LHFPL3: variants seen among roughly 807,000 people sequenced by gnomAD.
LHFPL3 encodes LHFPL tetraspan subfamily member 3.
Under a neutral mutation model 19.3 loss-of-function variants are expected in LHFPL3, and 5 were observed. The ratio of observed to expected loss-of-function variants is 0.26; its 90% CI spans 0.14 to 0.54. LHFPL3 has a LOEUF of 0.54. Among genes scored for constraint, LHFPL3 ranks in the 20% least tolerant of loss-of-function variants. The pLI is 0.94. For missense variants in LHFPL3, 249 were observed against 307.4 expected (o/e 0.81, Z 1.42); for synonymous variants, 133 against 126.2 (o/e 1.05, Z -0.36).
At chr7:104,495,483 A>C (rs924099772) in intron 1 of LHFPL3, among the ~76,000 whole-genome samples, 1 of 152,196 alleles carries the variant, frequency 6.6e-6, no homozygotes, top group Non-Finnish European at 1.5e-5. Context: ...TTCCGGGTTC[A>C]CGCCATTCTC....
rs1439310492 is a variant in LHFPL3 at position 104,736,794 on chromosome 7, G to T, written c.565G>T (p.Ala189Ser). Residue 189 changes from alanine (A) to serine (S), a missense_variant, in exon 2 of 3, where the codon GCA becomes TCA. Physicochemically the swap from Ala to Ser is moderately conservative, Grantham distance 99. Transcript: ENST00000424859. ...YTLGACSVRW[A>S]YILAIIGILD... ...TCTTGGGGCTTGCTCAGTCCGCTGG[G>T]CATACATCCTGGCTATTATTGGAAT... 6.2e-7 allele frequency: 1 copy of T among 1,613,522 alleles called. No homozygotes were observed. The highest frequency in any genetic ancestry group is 8.5e-7 in the Non-Finnish European group (1 of 1,179,744).
At chr7:104,733,399 G>A (rs113125022) in intron 1 of LHFPL3, among the ~76,000 whole-genome samples, 3,032 of 152,180 alleles carry the variant, frequency 0.02, 55 homozygotes, top group East Asian at 0.054. Context: ...TATGAATCTG[G>A]GTTCTCCTGT....
At chr7:104,698,848 A>G (rs1793048362) in intron 1 of LHFPL3, among the ~76,000 whole-genome samples, 1 of 152,214 alleles carries the variant, frequency 6.6e-6, no homozygotes, top group Middle Eastern at 3.2e-3. Flanking sequence ...CTACAACTTA[A>G]TCAAAAAAGA....
intron 1 of LHFPL3, among the ~76,000 whole-genome samples, chr7:104,427,927 A>C (rs1791879868): frequency 6.6e-6 from 1 of 152,224 alleles, no homozygotes; most frequent in Non-Finnish European, 1.5e-5. Context: ...CGGCAGTCCC[A>C]AATGCTTCTT....
At chr7:104,802,827 G>A (rs1351143908) in intron 2 of LHFPL3, 1 of 152,158 alleles carries the variant, frequency 6.6e-6, no homozygotes, top group Non-Finnish European at 1.5e-5. Flanking sequence ...ATTCACACTG[G>A]TCATCTCTTA....
At chr7:104,450,504 G>A (rs774650833) in intron 1 of LHFPL3, among the ~76,000 whole-genome samples, 6 of 151,940 alleles carry the variant, frequency 3.9e-5, no homozygotes, top group Admixed American at 1.3e-4. Flanking sequence ...GTTCTCACTC[G>A]TAAGTGGGAG....
chr7:104,544,559 A>G (rs981022255), intron 1 of LHFPL3, among the ~76,000 whole-genome samples: 1 of 152,160 alleles, frequency 6.6e-6, no homozygotes, highest in Non-Finnish European at 1.5e-5. Flanking sequence ...AGTTCTTTCT[A>G]GGGCAACCAG....
intron 1 of LHFPL3, among the ~76,000 whole-genome samples, chr7:104,356,187 C>G (rs1790270855): frequency 6.6e-6 from 1 of 152,102 alleles, no homozygotes; most frequent in African/African-American, 2.4e-5. Context: ...ACTGTTCAGT[C>G]CAGGGTAGGT....
At chr7:104,754,355 A>G (rs1435662552) in intron 2 of LHFPL3, among the ~76,000 whole-genome samples, 1 of 152,220 alleles carries the variant, frequency 6.6e-6, no homozygotes, top group Non-Finnish European at 1.5e-5. Flanking sequence ...ATGGTTGCCT[A>G]TGGAAGGGGA....
chr7:104,508,745 C>G (rs889728296), intron 1 of LHFPL3, among the ~76,000 whole-genome samples: 7 of 149,954 alleles, frequency 4.7e-5, no homozygotes, highest in Admixed American at 1.3e-4. Context: ...CCAAAGCAAG[C>G]AGAAGGAAAG....
At chr7:104,532,634 A>G (rs1211559059) in intron 1 of LHFPL3, among the ~76,000 whole-genome samples, 1 of 151,640 alleles carries the variant, frequency 6.6e-6, no homozygotes, top group Non-Finnish European at 1.5e-5. Context: ...CCTACACCTC[A>G]TTACTCTCTG....
chr7:104,726,232 C>A (rs1044433295), intron 1 of LHFPL3, among the ~76,000 whole-genome samples: 2 of 151,994 alleles, frequency 1.3e-5, no homozygotes, highest in African/African-American at 4.8e-5. Context: ...GTTACAGCTC[C>A]TTTAACTGTT....
intron 1 of LHFPL3, among the ~76,000 whole-genome samples, chr7:104,420,053 C>T (rs1227063400): frequency 2.6e-5 from 4 of 152,196 alleles, no homozygotes; most frequent in African/African-American, 9.6e-5. Context: ...TTGGTTCTAA[C>T]CCCATGAAGA....
chr7:104,736,628 T>G, intron 1 of LHFPL3, 47 bp from the exon 2 acceptor site: 2 of 1,258,892 alleles, frequency 1.6e-6, no homozygotes, highest in South Asian at 1.3e-5. Flanking sequence ...TAAAATTTAT[T>G]GACTTATCTT....
At chr7:104,489,318 C>T (rs1793296065) in intron 1 of LHFPL3, among the ~76,000 whole-genome samples, 1 of 36,588 alleles carries the variant, frequency 2.7e-5, no homozygotes, top group African/African-American at 6.6e-5. Context: ...CTCCTGACCT[C>T]GTGATCCGCC....
rs146747162 is a variant in LHFPL3, at chr7:104,855,123, T to C, written c.683-51064T>C. ...AGCCTGTTAAATTGGTTCTCATTAA[T>C]AATTGAATCTTAAGACCGTTTCAAG... On this transcript the variant is annotated intron_variant, in intron 2 of 2. Coordinates refer to ENST00000424859, the MANE Select transcript of LHFPL3 (RefSeq NM_199000.3). Among the ~76,000 whole-genome samples the C allele has an allele frequency of 4.0e-3, 608 of 152,328 alleles. 9 individuals are homozygous for C. Among genetic ancestry groups the C allele is most frequent in the African/African-American group, 0.014 (576 of 41,570 alleles).
At chr7:104,757,693 C>CA (rs939624805) in intron 2 of LHFPL3, 9 of 152,344 alleles carry the variant, frequency 5.9e-5, no homozygotes, top group Non-Finnish European at 1.0e-4. Flanking sequence ...AATAAAAAGA[C>CA]AAAAAACAAC....
intron 1 of LHFPL3, among the ~76,000 whole-genome samples, chr7:104,482,271 T>A (rs901484521): frequency 3.9e-5 from 6 of 152,216 alleles, no homozygotes; most frequent in Non-Finnish European, 8.8e-5. Flanking sequence ...GTTTTTCTCT[T>A]GAGAACACTC....
At position 104,559,675 on chromosome 7, in the gene LHFPL3, C is replaced by T. The variant is rs868734948; in HGVS notation, c.446-177000C>T. ...TTCCTAACTGAATACCCTTTATTTC[C>T]TTCTCCTGCCTAATTGCCCTGGCCA... On this transcript the variant is annotated intron_variant, in intron 1 of 2. Transcript: ENST00000424859. 5.7e-3 allele frequency among the ~76,000 whole-genome samples: 867 copies of T among 152,202 alleles called. 7 individuals carry two copies. The highest frequency in any genetic ancestry group is 0.019 in the African/African-American group (798 of 41,486).
Sources: gnomAD v4.1 joint callset for allele counts (sites outside exome capture counted in the v4.1 genomes callset) on GRCh38, gnomAD v4.1.1 for gene constraint, MANE v1.5 for transcripts, NCBI Gene and HGNC (gene_info 2026-07-23, HGNC 2026-07-21) for gene names.